CFAP43: variants seen among roughly 807,000 people sequenced by gnomAD.
The protein encoded by CFAP43 is cilia- and flagella-associated protein 43.
CFAP43 carries 155 observed loss-of-function variants against 218.9 expected under a neutral mutation model. That is an observed-to-expected ratio of 0.71 (90% CI 0.62 to 0.81). CFAP43 has a LOEUF of 0.81. Ranked by LOEUF, CFAP43 falls within the 30% of genes least tolerant of loss-of-function variation. The pLI is 0.00. For missense variants in CFAP43, 1,778 were observed against 1,954.3 expected, an observed-to-expected ratio of 0.91 and a Z score of 1.70; for synonymous variants, 645 against 681.3, an observed-to-expected ratio of 0.95 and a Z score of 0.83.
chr10:104,195,210 G>C (rs532481424), intron 10 of CFAP43, among the ~76,000 whole-genome samples: 136 of 152,290 alleles, frequency 8.9e-4, no homozygotes, highest in African/African-American at 3.1e-3. Flanking sequence ...CCGGACGCAG[G>C]CAGAGAGACC....
At chr10:104,216,041 T>C (rs2091002637) in intron 3 of CFAP43, among the ~76,000 whole-genome samples, 1 of 151,862 alleles carries the variant, frequency 6.6e-6, no homozygotes, top group Admixed American at 6.6e-5. Flanking sequence ...ATCCATACCA[T>C]CCTCAAAAGA....
At chr10:104,149,390 A>G (rs1470525522) in intron 28 of CFAP43, among the ~76,000 whole-genome samples, 1 of 152,198 alleles carries the variant, frequency 6.6e-6, no homozygotes, top group Admixed American at 6.5e-5. Context: ...TAATTGAAAT[A>G]CTTTTATAAA....
intron 35 of CFAP43, chr10:104,132,899 T>C: frequency 1.2e-5 from 8 of 668,524 alleles, no homozygotes; most frequent in Non-Finnish European, 1.1e-5. Context: ...TAGATATGAT[T>C]GGTTGCCAGA....
chr10:104,146,393 C>T, intron 29 of CFAP43, 44 bp from the exon 30 acceptor site: 1 of 1,478,008 alleles, frequency 6.8e-7, no homozygotes, highest in Non-Finnish European at 9.4e-7. Context: ...GGAGACTTTC[C>T]AGCATAAACA....
intron 29 of CFAP43, 110 bp downstream of exon 29, chr10:104,147,781 T>C: frequency 1.6e-6 from 1 of 612,500 alleles, no homozygotes; most frequent in Non-Finnish European, 2.5e-6. Context: ...CATGGTTATG[T>C]AGGAATGGTG....
At chr10:104,162,718 G>T (rs117495527) in intron 24 of CFAP43, among the ~76,000 whole-genome samples, 1 of 151,874 alleles carries the variant, frequency 6.6e-6, no homozygotes, top group Non-Finnish European at 1.5e-5. Context: ...GAAGGATGGG[G>T]GTCCTAAGAG....
intron 19 of CFAP43, among the ~76,000 whole-genome samples, chr10:104,177,762 C>A (rs1413136920): frequency 6.6e-6 from 1 of 152,148 alleles, no homozygotes; most frequent in African/African-American, 2.4e-5. Context: ...AGATAAAAAT[C>A]TGGTTACCTA....
chr10:104,194,031 C>A lies in CFAP43; in HGVS notation c.1294-17G>T. On this transcript the variant is annotated splice_polypyrimidine_tract_variant and intron_variant, in intron 10 of 37. Coordinates refer to ENST00000357060, the MANE Select transcript of CFAP43 (RefSeq NM_025145.7). Reference sequence around the variant, plus strand: ...AACCGTTGCCTGTTTAAAATAAACCCCAGATGCGTATCTCTATTGTGCCTG... The same window carrying A: ...AACCGTTGCCTGTTTAAAATAAACCACAGATGCGTATCTCTATTGTGCCTG... 1 of 1,610,928 alleles carries A rather than the reference C, an allele frequency of 6.2e-7. No individual in the cohort carries two copies. The highest frequency in any genetic ancestry group is 8.5e-7 in the Non-Finnish European group (1 of 1,179,836).
chr10:104,193,918 G>A lies in CFAP43; in HGVS notation c.1390C>T (p.Pro464Ser), dbSNP rs374076306. 13 of 1,614,012 alleles carry A rather than the reference G, an allele frequency of 8.1e-6. No individual in the cohort carries two copies. The highest frequency in any genetic ancestry group is 9.3e-6 in the Non-Finnish European group (11 of 1,180,020). ...YFISVYDKES[P>S]QVVHKAFLSE... is the part of the protein sequence containing the mutation. ...AGAAAGGCCTTGTGCACGACCTGAGGGGATTCCTTATCATATACGCTGATG... is the reference window on the plus strand; with the variant it reads ...AGAAAGGCCTTGTGCACGACCTGAGAGGATTCCTTATCATATACGCTGATG... Residue 464 changes from proline to serine, a missense_variant, in exon 11 of 38, where the codon CCT becomes TCT. Coordinates refer to ENST00000357060, the MANE Select transcript of CFAP43 (RefSeq NM_025145.7).
chr10:104,158,508 CA>C (rs1330958637), intron 27 of CFAP43, among the ~76,000 whole-genome samples: 1 of 151,738 alleles, frequency 6.6e-6, no homozygotes, highest in Non-Finnish European at 1.5e-5. Context: ...GGACATGCCA[CA>C]AAAAAATAAG....
chr10:104,194,038 C>G (rs554419813), intron 10 of CFAP43, 24 bp from the exon 11 acceptor site: 1 of 1,609,322 alleles, frequency 6.2e-7, no homozygotes, highest in Non-Finnish European at 8.5e-7. Context: ...ACCCCAGATG[C>G]GTATCTCTAT....
intron 21 of CFAP43, 75 bp downstream of exon 21, chr10:104,168,669 A>G: frequency 7.6e-7 from 1 of 1,321,352 alleles, no homozygotes; most frequent in Non-Finnish European, 1.1e-6. Context: ...ATTTTCTTAA[A>G]TTTATTTTTA....
intron 9 of CFAP43, among the ~76,000 whole-genome samples, 176 bp from the exon 10 acceptor site, chr10:104,197,109 TTAAC>T (rs1483460377): frequency 5.9e-5 from 9 of 152,210 alleles, no homozygotes; most frequent in Non-Finnish European, 1.3e-4. Context: ...TGAGCAAATA[TTAAC>T]TATTATCTTT....
At position 104,220,803 on chromosome 10, in the gene CFAP43, A is replaced by G. The variant is rs74154755; in HGVS notation, c.416+4658T>C. 3.6e-3 allele frequency among the ~76,000 whole-genome samples: 548 copies of G among 152,328 alleles called. 5 individuals are homozygous for G. Among genetic ancestry groups the G allele is most frequent in the African/African-American group, 0.012 (514 of 41,574 alleles). Reference sequence around the variant, plus strand: ...GCTTTTACAGGTTAAACTCTAGAACATGTTCAATGCTATGATTGTATGCCC... The same window carrying G: ...GCTTTTACAGGTTAAACTCTAGAACGTGTTCAATGCTATGATTGTATGCCC... On this transcript the variant is annotated intron_variant, in intron 3 of 37. Coordinates refer to ENST00000357060, the MANE Select transcript of CFAP43 (RefSeq NM_025145.7).
intron 3 of CFAP43, among the ~76,000 whole-genome samples, chr10:104,221,605 T>C (rs765729517): frequency 1.4e-4 from 21 of 152,196 alleles, no homozygotes. Context: ...AACATATTTC[T>C]GTTGTTTATA....
intron 2 of CFAP43, among the ~76,000 whole-genome samples, chr10:104,229,499 T>TAAAAAAAAAAA (rs34183569): frequency 1.0e-5 from 1 of 97,804 alleles, no homozygotes; most frequent in African/African-American, 3.8e-5. Flanking sequence ...GCCAAAAACA[T>TAAAAAAAAAAA]AAAAAAAAAA....
At position 104,167,742 on chromosome 10, in the gene CFAP43, G is replaced by A; in HGVS notation, c.2692-5C>T. ...CACACAGGGGATATGAAAACACTTG[G>A]GGAAAAAAACGCAAGACAAAATAAA... On this transcript the variant is annotated splice_region_variant and splice_polypyrimidine_tract_variant and intron_variant, in intron 21 of 37. Transcript: ENST00000357060. 1 of 1,594,232 alleles carries A rather than the reference G, an allele frequency of 6.3e-7. No individual in the cohort carries two copies. Among genetic ancestry groups the A allele is most frequent in the Non-Finnish European group, 8.5e-7 (1 of 1,172,836 alleles).
At chr10:104,144,861 G>C (rs1181317972) in intron 31 of CFAP43, among the ~76,000 whole-genome samples, 4 of 152,112 alleles carry the variant, frequency 2.6e-5, no homozygotes, top group Non-Finnish European at 4.4e-5. Flanking sequence ...CTTTTCAAAT[G>C]GTTATTTTCT....
chr10:104,230,589 C>T lies in CFAP43; in HGVS notation c.319+1G>A. On this transcript the variant is annotated splice_donor_variant, in intron 2 of 37. Coordinates refer to ENST00000357060, the MANE Select transcript of CFAP43 (RefSeq NM_025145.7). LOFTEE classifies it high-confidence loss of function. ...GGCAGAGGAAGGGTTCTCTAGAATA[C>T]CTTTCAATTTGGTCCTTCTGGTCAA... is the stretch of plus-strand genomic sequence containing the variant. The T allele has an allele frequency of 6.2e-7, 1 of 1,613,604 alleles. No individual in the cohort carries two copies. Among genetic ancestry groups the T allele is most frequent in the Non-Finnish European group, 8.5e-7 (1 of 1,179,844 alleles).
Sources: gnomAD v4.1 joint callset for allele counts (sites outside exome capture counted in the v4.1 genomes callset) on GRCh38, gnomAD v4.1.1 for gene constraint, MANE v1.5 for transcripts, NCBI Gene and HGNC (gene_info 2026-07-23, HGNC 2026-07-21) for gene names.